The following ZFTA variants were observed in gnomAD, a reference collection of about 807,000 sequenced individuals.
ZFTA encodes the protein zinc finger translocation-associated protein.
Under a neutral mutation model 41.8 loss-of-function variants are expected in ZFTA, and 35 were observed. That is an observed-to-expected ratio of 0.84 (90% confidence interval 0.64 to 1.11). ZFTA has a LOEUF of 1.11. Ranked by LOEUF, ZFTA falls within the 50% of genes most tolerant of loss-of-function variation. The probability of loss-of-function intolerance (pLI) is 0.00; values close to 1 mark genes in which losing one functional copy is unlikely to be tolerated. For synonymous variants in ZFTA, 514 were observed against 436.4 expected (o/e 1.18, Z -2.22); for missense variants, 964 against 989.8 (o/e 0.97, Z 0.35).
chr11:63,761,498 C>T lies in ZFTA; in HGVS notation c.*1920G>A, dbSNP rs1385372461. 2 of 152,188 alleles carry T rather than the reference C, an allele frequency of 1.3e-5. No homozygotes were observed. Among genetic ancestry groups the T allele is most frequent in the Non-Finnish European group, 2.9e-5 (2 of 68,072 alleles). 9.4% of individuals were successfully genotyped at this position (152,188 alleles called of 1,614,324 possible). On this transcript the variant is annotated 3_prime_UTR_variant, in exon 5 of 5. Coordinates refer to ENST00000433688, the MANE Select transcript of ZFTA (RefSeq NM_001144936.2). The stretch of plus-strand genomic sequence containing the variant: ...TGGTGGCCTGCATTGCCCAGCATGT[C>T]AATCCTTCGGCAGGCCTGACAAATT...
intron 3 of ZFTA, 134 bp from the exon 4 acceptor site, chr11:63,764,732 G>T: frequency 7.4e-7 from 1 of 1,355,140 alleles, no homozygotes; most frequent in Non-Finnish European, 9.5e-7. Flanking sequence ...CTGGGGGCAG[G>T]GGGAAAGTAT....
At position 63,764,292 on chromosome 11, in the gene ZFTA, CCCCCGCACA is replaced by C. The variant is rs775846054; in HGVS notation, c.1322_1330del (p.Val441_Gly443del). 67 of 1,448,720 alleles carry C rather than the reference CCCCCGCACA, an allele frequency of 4.6e-5. No homozygotes were observed. Among genetic ancestry groups the C allele is most frequent in the Middle Eastern group, 2.4e-4 (1 of 4,242 alleles). The allele number at this position is 1,448,720 out of a possible 1,614,324, so 89.7% of individuals were successfully genotyped here. A position where few individuals can be genotyped will look rare whatever the true frequency, so the allele number is the denominator to read the frequency against. On this transcript the variant is annotated inframe_deletion, in exon 4 of 5. Coordinates refer to ENST00000433688, the MANE Select transcript of ZFTA (RefSeq NM_001144936.2). ...GCTCATCTTGAGCGAGGCCAGCGCG[CCCCCGCACA>C]CCCCGCACACCAGGCCGCGCCGGCC...
rs983645826 is a variant in ZFTA, at chr11:63,760,648, T to C, written c.*2770A>G. On this transcript the variant is annotated 3_prime_UTR_variant, in exon 5 of 5. Coordinates refer to ENST00000433688, the MANE Select transcript of ZFTA (RefSeq NM_001144936.2). ...CCTAGGCAAGAGGGCCAACTCAACTTGCAACGTCTAACCTGTGAGGCCATA... is the reference window on the plus strand; with the variant it reads ...CCTAGGCAAGAGGGCCAACTCAACTCGCAACGTCTAACCTGTGAGGCCATA... 4.6e-5 allele frequency: 7 copies of C among 152,198 alleles called. No individual in the cohort carries two copies. Among genetic ancestry groups the C allele is most frequent in the Non-Finnish European group, 1.0e-4 (7 of 68,040 alleles). The allele number at this position is 152,198 out of a possible 1,614,324, so 9.4% of individuals were successfully genotyped here. A position where few individuals can be genotyped will look rare whatever the true frequency, so the allele number is the denominator to read the frequency against.
rs1203425471 is a variant in ZFTA at position 63,764,422 on chromosome 11, T to TCTCGCC, written c.1195_1200dup (p.Gly399_Glu400dup). 4.3e-5 allele frequency: 54 copies of TCTCGCC among 1,268,682 alleles called. No homozygotes were observed. The highest frequency in any genetic ancestry group is 3.8e-4 in the East Asian group (12 of 31,742). 78.6% of individuals were successfully genotyped at this position (1,268,682 alleles called of 1,614,324 possible). A position where few individuals can be genotyped will look rare whatever the true frequency, so the allele number is the denominator to read the frequency against. Reference sequence around the variant, plus strand: ...GGCGACCGGCCCGGGACCCCCGCCCTCTCGCCCTCGCCCTCCTCCAGCTCC... The same window carrying TCTCGCC: ...GGCGACCGGCCCGGGACCCCCGCCCTCTCGCCCTCGCCCTCGCCCTCCTCCAGCTCC... On this transcript the variant is annotated inframe_insertion, in exon 4 of 5. Transcript: ENST00000433688.
In ZFTA at chr11:63,763,739, G is replaced by GGGCGGGGGCGGA. The variant is rs929838906; in HGVS notation, c.1704_1715dup (p.Pro569_Pro572dup). 2.0e-6 allele frequency: 3 copies of GGGCGGGGGCGGA among 1,496,670 alleles called. No homozygotes were observed. Among genetic ancestry groups the GGGCGGGGGCGGA allele is most frequent in the African/African-American group, 1.4e-5 (1 of 69,836 alleles). The allele number at this position is 1,496,670 out of a possible 1,614,324, so 92.7% of individuals were successfully genotyped here. On this transcript the variant is annotated inframe_insertion, in exon 5 of 5. Coordinates refer to ENST00000433688, the MANE Select transcript of ZFTA (RefSeq NM_001144936.2). Reference sequence around the variant, plus strand: ...AGTTCCGCCGCTGCTCCCGGCTGCGGGGCGGGGGCGGAGGCGGGGGAGGAG... The same window carrying GGGCGGGGGCGGA: ...AGTTCCGCCGCTGCTCCCGGCTGCGGGGCGGGGGCGGAGGCGGGGGCGGAGGCGGGGGAGGAG...
rs1412951372 is a variant in ZFTA at position 63,766,193 on chromosome 11, C to A, written c.251G>T (p.Cys84Phe). The change falls in exon 2 of 5, where the codon TGT becomes TTT. Residue 84 changes from cysteine to phenylalanine, a missense_variant. Physicochemically the swap from Cys to Phe is radical, Grantham distance 205. This residue lies in a region of ZFTA where 141 missense variants were observed against 216.7 expected (regional missense o/e 0.65). Coordinates refer to ENST00000433688, the MANE Select transcript of ZFTA (RefSeq NM_001144936.2). ...ASSGRKYSDH[C>F]EARASRPGKS... The stretch of plus-strand genomic sequence containing the variant: ...TCCAGGCCTCGAGGCCCGGGCCTCA[C>A]AGTGGTCTGAATATTTCCTGCCTGA... The A allele has an allele frequency of 2.0e-6, 3 of 1,531,812 alleles. No homozygotes were observed. In the African/African-American group the frequency reaches 4.1e-5, roughly 21 times the overall value. 94.9% of individuals were successfully genotyped at this position (1,531,812 alleles called of 1,614,324 possible). A position where few individuals can be genotyped will look rare whatever the true frequency, so the allele number is the denominator to read the frequency against.
At position 63,763,590 on chromosome 11, in the gene ZFTA, A is replaced by C; in HGVS notation, c.1865T>G (p.Leu622Arg). The C allele has an allele frequency of 1.3e-6, 2 of 1,548,794 alleles. No homozygotes were observed. The highest frequency in any genetic ancestry group is 1.7e-6 in the Non-Finnish European group (2 of 1,145,458). ...GTCCATGGAGAAGGGGTGCACCTGC[A>C]GGATGTGGCGCTTGATGGTGCTCAC... ...LKVSTIKRHI[L>R]QVHPFSMDFT... Residue 622 changes from leucine to arginine, a missense_variant, in exon 5 of 5, where the codon CTG (leucine) becomes CGG (arginine). Leu to Arg is a moderately radical substitution (Grantham distance 102, BLOSUM62 -2). Coordinates refer to ENST00000433688, the MANE Select transcript of ZFTA (RefSeq NM_001144936.2).
intron 1 of ZFTA, among the ~76,000 whole-genome samples, chr11:63,768,075 C>T (rs1028386485): frequency 6.6e-6 from 1 of 152,130 alleles, no homozygotes; most frequent in Non-Finnish European, 1.5e-5. Context: ...TGGGGAAAAG[C>T]CCCCGAAGGG....
At position 63,765,642 on chromosome 11, in the gene ZFTA, A is replaced by C. The variant is rs1276334485; in HGVS notation, c.637+165T>G. 6.6e-6 allele frequency among the ~76,000 whole-genome samples: 1 copy of C among 151,970 alleles called. No homozygotes were observed. Among genetic ancestry groups the C allele is most frequent in the East Asian group, 1.9e-4 (1 of 5,174 alleles). ...TGGACATCGGAGACCCTCTCACCCC[A>C]CTGTCCTTCCCCCACCTTTGTATAA... On this transcript the variant is annotated intron_variant, in intron 2 of 4. Coordinates refer to ENST00000433688, the MANE Select transcript of ZFTA (RefSeq NM_001144936.2). The surrounding 1 kb of genome is among the most constrained non-coding windows in gnomAD (Gnocchi z 4.0).
chr11:63,761,055 T>C lies in ZFTA; in HGVS notation c.*2363A>G, dbSNP rs907792179. On this transcript the variant is annotated 3_prime_UTR_variant, in exon 5 of 5. Transcript: ENST00000433688. ...ATTGGTTCCCCCAATTTGCCTACTG[T>C]TTTTGAATGGGCAGAGTAAAAAAAG... is the stretch of plus-strand genomic sequence containing the variant. 4 of 151,964 alleles carry C rather than the reference T, an allele frequency of 2.6e-5. No individual in the cohort carries two copies. The highest frequency in any genetic ancestry group is 9.7e-5 in the African/African-American group (4 of 41,386). 9.4% of individuals were successfully genotyped at this position (151,964 alleles called of 1,614,324 possible).
intron 1 of ZFTA, chr11:63,767,552 A>G (rs1031317597): frequency 1.3e-5 from 2 of 152,028 alleles, no homozygotes; most frequent in African/African-American, 4.8e-5. Flanking sequence ...GATCCAGGCT[A>G]GTCTAAGGTG....
chr11:63,768,653 GGCGGGGCGCGGGGCC>G lies in ZFTA; in HGVS notation c.-46_-32del, dbSNP rs2014788292. The G allele has an allele frequency of 1.0e-6, 1 of 968,388 alleles. No individual in the cohort carries two copies. The highest frequency in any genetic ancestry group is 1.2e-6 in the Non-Finnish European group (1 of 818,898). 60.0% of individuals were successfully genotyped at this position (968,388 alleles called of 1,614,324 possible). On this transcript the variant is annotated 5_prime_UTR_variant, in exon 1 of 5. Transcript: ENST00000433688. ...GCGCTGCGGAGCGGGGCCCCGGGGC[GGCGGGGCGCGGGGCC>G]GCGGGGCCGGCGGCAGCCCGCGCGG...
In ZFTA at chr11:63,761,984, C is replaced by T. The variant is rs979283286; in HGVS notation, c.*1434G>A. 6.6e-6 allele frequency: 1 copy of T among 152,422 alleles called. No individual in the cohort carries two copies. Among genetic ancestry groups the T allele is most frequent in the African/African-American group, 2.4e-5 (1 of 41,458 alleles). The allele number at this position is 152,422 out of a possible 1,614,324, so 9.4% of individuals were successfully genotyped here. A position where few individuals can be genotyped will look rare whatever the true frequency, so the allele number is the denominator to read the frequency against. On this transcript the variant is annotated 3_prime_UTR_variant, in exon 5 of 5. Transcript: ENST00000433688. Reference sequence around the variant, plus strand: ...GGGCTGGACCACGCTGCCCAGGCATCTCTTCCTCCAGACCCAACCCTCAAG... The same window carrying T: ...GGGCTGGACCACGCTGCCCAGGCATTTCTTCCTCCAGACCCAACCCTCAAG...
At chr11:63,768,236 C>T (rs1271946399) in intron 1 of ZFTA, among the ~76,000 whole-genome samples, 1 of 151,238 alleles carries the variant, frequency 6.6e-6, no homozygotes, top group African/African-American at 2.4e-5. Context: ...CAAGGCGGGG[C>T]GCTGCGGGCG....
rs1005399374 is a variant in ZFTA, at chr11:63,764,143, G to A, written c.1480C>T (p.Arg494Cys). Residue 494 changes from arginine to cysteine, a missense_variant, in exon 4 of 5, where the codon CGC (arginine) becomes TGC (cysteine). By Grantham distance (180) the Arg-to-Cys change is radical (BLOSUM62 -3). This residue lies in a region of ZFTA where 584 missense variants were observed against 523.1 expected (regional missense o/e 1.12). Coordinates refer to ENST00000433688, the MANE Select transcript of ZFTA (RefSeq NM_001144936.2). ...ATGGGGCCCTGGGGGGACTCGGGGCGGGGCGGCCCCAGGGCCAGCAGGTGG... is the reference window on the plus strand; with the variant it reads ...ATGGGGCCCTGGGGGGACTCGGGGCAGGGCGGCCCCAGGGCCAGCAGGTGG... ...AAHLLALGPP[R>C]PESPQGPIPP... The A allele has an allele frequency of 3.7e-6, 5 of 1,349,070 alleles. No homozygotes were observed. Among genetic ancestry groups the A allele is most frequent in the Non-Finnish European group, 4.7e-6 (5 of 1,056,696 alleles). 83.6% of individuals were successfully genotyped at this position (1,349,070 alleles called of 1,614,324 possible).
chr11:63,764,363 C>G lies in ZFTA; in HGVS notation c.1260G>C (p.Glu420Asp), dbSNP rs1381854733. ...CCATGAGGTACTCCAGCCGCCAGCG[C>G]TCCTGGGGGTGGCGGCGGTGGGCGC... The part of the protein sequence containing the change: ...RGRAHRRHPQ[E>D]RWRLEYLMEL... The change falls in exon 4 of 5, where the codon GAG (glutamate) becomes GAC (aspartate). Residue 420 changes from glutamate to aspartate, a missense_variant. Physicochemically the swap from Glu to Asp is conservative, Grantham distance 45. Transcript: ENST00000433688. 3 of 1,315,966 alleles carry G rather than the reference C, an allele frequency of 2.3e-6. No homozygotes were observed. The highest frequency in any genetic ancestry group is 2.9e-6 in the Non-Finnish European group (3 of 1,036,448). The allele number at this position is 1,315,966 out of a possible 1,614,324, so 81.5% of individuals were successfully genotyped here.
chr11:63,765,783 G>A lies in ZFTA; in HGVS notation c.637+24C>T. The A allele has an allele frequency of 6.9e-7, 1 of 1,452,450 alleles. No homozygotes were observed. The highest frequency in any genetic ancestry group is 2.5e-5 in the East Asian group (1 of 39,952). 90.0% of individuals were successfully genotyped at this position (1,452,450 alleles called of 1,614,324 possible). A position where few individuals can be genotyped will look rare whatever the true frequency, so the allele number is the denominator to read the frequency against. On this transcript the variant is annotated intron_variant, in intron 2 of 4. Coordinates refer to ENST00000433688, the MANE Select transcript of ZFTA (RefSeq NM_001144936.2). This position sits in a 1 kb window ranked among gnomAD's most constrained non-coding sequence, Gnocchi z 4.0. ...CCACTGGCCACCCAGGCCCCTGCCT[G>A]TACAGAATCTGCATTTGCATTACCT... is the stretch of plus-strand genomic sequence containing the variant.
At position 63,765,204 on chromosome 11, in the gene ZFTA, C is replaced by T; in HGVS notation, c.688G>A (p.Val230Met). ...GCRRQRRGGP[V>M]APRARRLRLS... is the part of the protein sequence containing the mutation. ...CGCAGACGCCGAGCCCGGGGTGCCA[C>T]TGGGCCCCCTCGCCGCTGGCGCCGG... is the stretch of plus-strand genomic sequence containing the variant. The change falls in exon 3 of 5, where the codon GTG becomes ATG. Residue 230 changes from valine to methionine, a missense_variant. By Grantham distance (21) the Val-to-Met change is conservative. Around this residue, in one of 5 missense-constraint regions of ZFTA, gnomAD observed 584 missense variants for 523.1 expected, o/e 1.12. Coordinates refer to ENST00000433688, the MANE Select transcript of ZFTA (RefSeq NM_001144936.2). The surrounding 1 kb of genome is among the most constrained non-coding windows in gnomAD (Gnocchi z 4.0). The T allele has an allele frequency of 2.0e-6, 3 of 1,484,344 alleles. No individual in the cohort carries two copies. Among genetic ancestry groups the T allele is most frequent in the South Asian group, 1.4e-5 (1 of 72,702 alleles). The allele number at this position is 1,484,344 out of a possible 1,614,324, so 91.9% of individuals were successfully genotyped here.
chr11:63,766,565 TAAG>T (rs2014749702), intron 1 of ZFTA, among the ~76,000 whole-genome samples: 1 of 151,978 alleles, frequency 6.6e-6, no homozygotes, highest in Non-Finnish European at 1.5e-5. Flanking sequence ...TTTTAAAAAA[TAAG>T]GTGAGGGCCA....
Sources: allele counts gnomAD v4.1 joint callset (sites outside exome capture counted in the v4.1 genomes callset), GRCh38; gene constraint gnomAD v4.1.1; regional missense constraint gnomAD v4.1.1; non-coding constraint Gnocchi (gnomAD v3.1); transcripts MANE v1.5; gene names NCBI Gene and HGNC (gene_info 2026-07-23, HGNC 2026-07-21).